Variants in HCN1 observed in about 807,000 individuals in gnomAD.
The protein encoded by HCN1 is potassium/sodium hyperpolarization-activated cyclic nucleotide-gated channel 1.
A neutral mutation model predicts 78.9 loss-of-function variants in HCN1; 13 were observed. The observed-to-expected ratio is 0.16, with a 90% CI of 0.11 to 0.26. HCN1 has a LOEUF of 0.26. HCN1 is among the 10% of genes least tolerant of loss of function. The probability of loss-of-function intolerance (pLI) is 1.00; values close to 1 mark genes in which losing one functional copy is unlikely to be tolerated. For missense variants in HCN1, 810 were observed against 1,154.3 expected, an observed-to-expected ratio of 0.70 and a Z score of 4.32; for synonymous variants, 552 against 455.5, an observed-to-expected ratio of 1.21 and a Z score of -2.70.
intron 2 of HCN1, among the ~76,000 whole-genome samples, chr5:45,539,704 T>A (rs1019221313): frequency 9.4e-5 from 14 of 148,368 alleles, no homozygotes; most frequent in Non-Finnish European, 2.1e-4. Context: ...AAAATATTAT[T>A]TTAAATATTT....
At chr5:45,335,369 A>G (rs1345499082) in intron 5 of HCN1, among the ~76,000 whole-genome samples, 2 of 152,200 alleles carry the variant, frequency 1.3e-5, no homozygotes, top group South Asian at 2.1e-4. Flanking sequence ...TTTTAAATAT[A>G]CTGCCAGCAT....
At chr5:45,435,036 C>A (rs1740536310) in intron 3 of HCN1, among the ~76,000 whole-genome samples, 1 of 151,888 alleles carries the variant, frequency 6.6e-6, no homozygotes, top group South Asian at 2.1e-4. Flanking sequence ...AGCTAATTAA[C>A]AACATCCAAT....
intron 3 of HCN1, among the ~76,000 whole-genome samples, chr5:45,416,030 T>C (rs1393249766): frequency 1.3e-5 from 2 of 152,016 alleles, no homozygotes; most frequent in African/African-American, 2.4e-5. Context: ...TTTCTAACTA[T>C]GGTTGAAATG....
chr5:45,493,599 T>A (rs1036343424), intron 2 of HCN1, among the ~76,000 whole-genome samples: 25 of 152,126 alleles, frequency 1.6e-4, no homozygotes, highest in Non-Finnish European at 2.9e-4. Flanking sequence ...TTTTATTTTT[T>A]TTTATTTATT....
intron 2 of HCN1, among the ~76,000 whole-genome samples, chr5:45,594,568 T>C (rs1005329754): frequency 1.3e-5 from 2 of 152,188 alleles, no homozygotes; most frequent in East Asian, 1.9e-4. Flanking sequence ...TTTTAGGTTA[T>C]TGAATATCAC....
chr5:45,311,413 T>G (rs182399454), intron 5 of HCN1, among the ~76,000 whole-genome samples: 219 of 152,286 alleles, frequency 1.4e-3, no homozygotes, highest in African/African-American at 3.9e-3. Flanking sequence ...TTCTTCTTAC[T>G]TTTGCAATCA....
chr5:45,437,224 A>G (rs1307467221), intron 3 of HCN1, among the ~76,000 whole-genome samples: 2 of 152,236 alleles, frequency 1.3e-5, no homozygotes, highest in African/African-American at 2.4e-5. Context: ...TGAATCGGGT[A>G]TGATCAAGCC....
At chr5:45,377,485 GT>G (rs1350571794) in intron 4 of HCN1, among the ~76,000 whole-genome samples, 1 of 151,844 alleles carries the variant, frequency 6.6e-6, no homozygotes, top group Non-Finnish European at 1.5e-5. Flanking sequence ...TTAGGGGGCT[GT>G]TTTTTACACA....
Position 45,445,057 on chromosome 5 carries a change from G to A in HCN1, c.1011+16789C>T, listed in dbSNP as rs568696640. ...CGCAGGACAGTGGGTGCAGCGCACC[G>A]TGCGTGAGCCGAAACAGGGCGAGGC... is the stretch of plus-strand genomic sequence containing the variant. On this transcript the variant is annotated intron_variant, in intron 3 of 7. Transcript: ENST00000303230. Among the ~76,000 whole-genome samples, 238 of 152,310 alleles carry A rather than the reference G, an allele frequency of 1.6e-3. 2 individuals are homozygous for A. The highest frequency in any genetic ancestry group is 5.5e-3 in the African/African-American group (228 of 41,582).
At chr5:45,505,780 A>G (rs1353531795) in intron 2 of HCN1, among the ~76,000 whole-genome samples, 6 of 152,172 alleles carry the variant, frequency 3.9e-5, no homozygotes, top group Admixed American at 3.9e-4. Flanking sequence ...GTATATGTAA[A>G]TATATAAATA....
At chr5:45,264,918 CG>C (rs1744827085) in intron 7 of HCN1, among the ~76,000 whole-genome samples, 1 of 152,094 alleles carries the variant, frequency 6.6e-6, no homozygotes, top group Admixed American at 6.6e-5. Context: ...AGGCTGGGCG[CG>C]GTGGCTCATG....
chr5:45,317,597 C>A (rs1746022191), intron 5 of HCN1, among the ~76,000 whole-genome samples: 1 of 152,020 alleles, frequency 6.6e-6, no homozygotes, highest in Non-Finnish European at 1.5e-5. Flanking sequence ...TTCTGCACAG[C>A]AAAAGAAACT....
chr5:45,306,719 C>A (rs905499002), intron 5 of HCN1, among the ~76,000 whole-genome samples: 1 of 151,926 alleles, frequency 6.6e-6, no homozygotes, highest in Non-Finnish European at 1.5e-5. Context: ...CACATTGAGG[C>A]AAATAAAACA....
At chr5:45,461,666 G>A (rs982617924) in intron 3 of HCN1, among the ~76,000 whole-genome samples, 180 bp downstream of exon 3, 4 of 152,084 alleles carry the variant, frequency 2.6e-5, no homozygotes, top group Non-Finnish European at 5.9e-5. Context: ...TAGTCAATTA[G>A]TAAAATTTAG....
chr5:45,434,428 G>C (rs903979961), intron 3 of HCN1, among the ~76,000 whole-genome samples: 1 of 152,164 alleles, frequency 6.6e-6, no homozygotes, highest in African/African-American at 2.4e-5. Context: ...TTGCATGTTA[G>C]ACAAAGCTTA....
Position 45,283,126 on chromosome 5 carries a change from G to A in HCN1, c.1619-15873C>T, listed in dbSNP as rs527870760. 2.6e-4 allele frequency among the ~76,000 whole-genome samples: 40 copies of A among 152,138 alleles called. 1 individual carries two copies. Among genetic ancestry groups the A allele is most frequent in the Admixed American group, 4.6e-4 (7 of 15,260 alleles). Reference sequence around the variant, plus strand: ...GAAAATATACTTTGATAGCATGTTCGAAATTATTAAAGAGAATAGTATAAA... The same window carrying A: ...GAAAATATACTTTGATAGCATGTTCAAAATTATTAAAGAGAATAGTATAAA... On this transcript the variant is annotated intron_variant, in intron 6 of 7. Coordinates refer to ENST00000303230, the MANE Select transcript of HCN1 (RefSeq NM_021072.4).
At chr5:45,410,087 C>A (rs1032645880) in intron 3 of HCN1, among the ~76,000 whole-genome samples, 1 of 151,866 alleles carries the variant, frequency 6.6e-6, no homozygotes, top group African/African-American at 2.4e-5. Context: ...CATAGCACAA[C>A]TAACAATAGC....
At chr5:45,521,453 C>A (rs1309068245) in intron 2 of HCN1, among the ~76,000 whole-genome samples, 5 of 152,096 alleles carry the variant, frequency 3.3e-5, no homozygotes, top group South Asian at 2.1e-4. Flanking sequence ...GAGGAAAAAT[C>A]TGTTCCATGC....
chr5:45,435,576 T>C (rs1422403285), intron 3 of HCN1, among the ~76,000 whole-genome samples: 1 of 152,252 alleles, frequency 6.6e-6, no homozygotes, highest in East Asian at 1.9e-4. Flanking sequence ...AATGACTCAA[T>C]GTAATGAAAA....
Sources: allele counts gnomAD v4.1 joint callset (sites outside exome capture counted in the v4.1 genomes callset), GRCh38; gene constraint gnomAD v4.1.1; transcripts MANE v1.5; gene names NCBI Gene and HGNC (gene_info 2026-07-23, HGNC 2026-07-21).